Variants in LPCAT1 observed in about 807,000 individuals in gnomAD.
LPCAT1 encodes lysophosphatidylcholine acyltransferase 1.
LPCAT1 carries 23 observed loss-of-function variants against 60.9 expected under a neutral mutation model. That is an observed-to-expected ratio of 0.38 (90% CI 0.27 to 0.53). The LOEUF (loss-of-function observed/expected upper bound fraction) is 0.53, where lower values mean the gene tolerates loss of function less well. LPCAT1 is among the 20% of genes least tolerant of loss of function. The pLI is 0.82. For missense variants in LPCAT1, 622 were observed against 723.6 expected (o/e 0.86, Z 1.61); for synonymous variants, 340 against 301.1 (o/e 1.13, Z -1.34).
In LPCAT1 at chr5:1,470,857, C is replaced by G. The variant is rs369833504; in HGVS notation, c.1247G>C (p.Arg416Pro). The G allele has an allele frequency of 1.9e-6, 3 of 1,613,516 alleles. No individual in the cohort carries two copies. Among genetic ancestry groups the G allele is most frequent in the African/African-American group, 2.7e-5 (2 of 74,916 alleles). The change falls in exon 12 of 14, where the codon CGG becomes CCG. Residue 416 changes from arginine to proline, a missense_variant. Arg to Pro is a moderately radical substitution (Grantham distance 103). Coordinates refer to ENST00000283415, the MANE Select transcript of LPCAT1 (RefSeq NM_024830.5). ...VALSVVCRPARTLDTIQLAFK... is the reference protein window; with the variant it reads ...VALSVVCRPAPTLDTIQLAFK... ...AGCCAGCTGGATGGTGTCCAGGGTC[C>G]GGGCCGGCCGGCAGACGACAGACAG...
In LPCAT1 at chr5:1,522,116, G is replaced by A. The variant is rs894145286; in HGVS notation, c.135+1594C>T. Among the ~76,000 whole-genome samples the A allele has an allele frequency of 1.3e-5, 2 of 152,150 alleles. No individual in the cohort carries two copies. Among genetic ancestry groups the A allele is most frequent in the Admixed American group, 1.3e-4 (2 of 15,284 alleles). On this transcript the variant is annotated intron_variant, in intron 1 of 13. Transcript: ENST00000283415. This position sits in a 1 kb window ranked among gnomAD's most constrained non-coding sequence, Gnocchi z 6.8. ...GCAGCCATAGCTGGGGCAGGAGCAG[G>A]GCTGGGGAAGCCCTGGAAACCACAG... is the stretch of plus-strand genomic sequence containing the variant.
Position 1,523,444 on chromosome 5 carries a change from G to A in LPCAT1, c.135+266C>T, listed in dbSNP as rs1388478980. Among the ~76,000 whole-genome samples the A allele has an allele frequency of 6.6e-6, 1 of 151,758 alleles. No homozygotes were observed. Among genetic ancestry groups the A allele is most frequent in the African/African-American group, 2.4e-5 (1 of 41,394 alleles). On this transcript the variant is annotated intron_variant, in intron 1 of 13. Coordinates refer to ENST00000283415, the MANE Select transcript of LPCAT1 (RefSeq NM_024830.5). The surrounding 1 kb of genome is among the most constrained non-coding windows in gnomAD (Gnocchi z 7.1). ...GGGGAGGAGCAGAACGCGGGGCGGG[G>A]ATGGGAAGCGGGGACCCCGAGGAAG...
At chr5:1,497,876 G>C (rs916809550) in intron 2 of LPCAT1, among the ~76,000 whole-genome samples, 2 of 152,216 alleles carry the variant, frequency 1.3e-5, no homozygotes, top group Non-Finnish European at 2.9e-5. Flanking sequence ...GTCAGCCAAG[G>C]GGCAGCCCCT....
At chr5:1,509,815 G>C (rs2963284) in intron 1 of LPCAT1, among the ~76,000 whole-genome samples, 50,655 of 152,076 alleles carry the variant, frequency 0.33, 10,231 homozygotes, top group African/African-American at 0.57. Flanking sequence ...ATGTGAAAAA[G>C]TGGCACCGTG....
rs537918969 is a variant in LPCAT1, at chr5:1,495,339, G to T, written c.279-425C>A. On this transcript the variant is annotated intron_variant, in intron 2 of 13. Transcript: ENST00000283415. This position sits in a 1 kb window ranked among gnomAD's most constrained non-coding sequence, Gnocchi z 4.7. ...AACGCATATCGCAATATGGGGGGGG[G>T]GGCGCTCAGAGCTGAGGGCGGAAGC... 8.6e-5 allele frequency among the ~76,000 whole-genome samples: 13 copies of T among 151,956 alleles called. No homozygotes were observed. The highest frequency in any genetic ancestry group is 3.4e-3 in the Middle Eastern group (1 of 292).
At chr5:1,468,509 T>C (rs767625454) in intron 12 of LPCAT1, among the ~76,000 whole-genome samples, 5 of 152,174 alleles carry the variant, frequency 3.3e-5, no homozygotes, top group Non-Finnish European at 5.9e-5. Flanking sequence ...CATTTGGACA[T>C]GAGAACTGCA....
rs1423655309 is a variant in LPCAT1 at position 1,501,463 on chromosome 5, C to T, written c.276G>A (p.Arg92=). ...AGCACGGCACACGCGCAACTTACTTCCTCCACAGGGCCGGGGGCTGCTCGG... is the reference window on the plus strand; with the variant it reads ...AGCACGGCACACGCGCAACTTACTTTCTCCACAGGGCCGGGGGCTGCTCGG... ...KEPEQPPALW[R]KVVDFLLKAI... Residue 92 remains arginine, a splice_region_variant and synonymous_variant, in exon 2 of 14, where the codon AGG becomes AGA. Transcript: ENST00000283415. 9 of 1,610,676 alleles carry T rather than the reference C, an allele frequency of 5.6e-6. No homozygotes were observed. The highest frequency in any genetic ancestry group is 4.0e-5 in the African/African-American group (3 of 74,880).
intron 3 of LPCAT1, among the ~76,000 whole-genome samples, chr5:1,494,473 G>T (rs1735704322): frequency 6.6e-6 from 1 of 151,486 alleles, no homozygotes; most frequent in Non-Finnish European, 1.5e-5. Context: ...GCAAGTGGGG[G>T]TCCCTCATTC....
intron 1 of LPCAT1, among the ~76,000 whole-genome samples, chr5:1,516,482 C>T (rs1216483034): frequency 6.6e-6 from 1 of 152,212 alleles, no homozygotes. Flanking sequence ...CACGCCTGCC[C>T]AGCCCGGCGG....
At chr5:1,512,380 A>T (rs975138430) in intron 1 of LPCAT1, among the ~76,000 whole-genome samples, 6 of 152,216 alleles carry the variant, frequency 3.9e-5, no homozygotes, top group Non-Finnish European at 7.4e-5. Flanking sequence ...GCCCAAGAGC[A>T]GTCCCACACT....
chr5:1,503,081 C>A (rs1458972907), intron 1 of LPCAT1, among the ~76,000 whole-genome samples: 1 of 152,180 alleles, frequency 6.6e-6, no homozygotes, highest in African/African-American at 2.4e-5. Flanking sequence ...TGTCTCCACC[C>A]TGTCAGTGCC....
Position 1,474,558 on chromosome 5 carries a change from AC to A in LPCAT1, c.1025+1del. ...CTCAAGGAAGAAGAACCAGGTACTC[AC>A]CCGAGGCCCCGCACGAGCCTGGCAA... On this transcript the variant is annotated splice_donor_variant, in intron 10 of 13. Transcript: ENST00000283415. LOFTEE classifies it high-confidence loss of function. The A allele has an allele frequency of 1.2e-6, 2 of 1,613,690 alleles. No individual in the cohort carries two copies. The highest frequency in any genetic ancestry group is 1.7e-6 in the Non-Finnish European group (2 of 1,179,894).
chr5:1,511,200 G>C (rs892062921), intron 1 of LPCAT1, among the ~76,000 whole-genome samples: 2 of 152,202 alleles, frequency 1.3e-5, no homozygotes, highest in Non-Finnish European at 2.9e-5. Context: ...CTCCGACTGC[G>C]ACCGCACAGC....
intron 1 of LPCAT1, among the ~76,000 whole-genome samples, chr5:1,515,597 C>A (rs1447842341): frequency 6.6e-6 from 1 of 151,712 alleles, no homozygotes; most frequent in Non-Finnish European, 1.5e-5. Context: ...CTGCCCTGCA[C>A]TATCTACAGA....
rs376999822 is a variant in LPCAT1, at chr5:1,483,384, C to T, written c.726+44G>A. On this transcript the variant is annotated intron_variant, in intron 6 of 13. Coordinates refer to ENST00000283415, the MANE Select transcript of LPCAT1 (RefSeq NM_024830.5). This position sits in a 1 kb window ranked among gnomAD's most constrained non-coding sequence, Gnocchi z 9.2. ...GAGGCAGCTCGCAGTTCCCGTTTCC[C>T]GGAGAATTCCCCTGGAAGCTGACCC... is the stretch of plus-strand genomic sequence containing the variant. The T allele has an allele frequency of 8.2e-5, 131 of 1,600,576 alleles. No individual in the cohort carries two copies. In the African/African-American group the frequency reaches 8.7e-4, roughly 11 times the overall value.
At chr5:1,493,841 T>G (rs1298577781) in intron 3 of LPCAT1, among the ~76,000 whole-genome samples, 1 of 152,234 alleles carries the variant, frequency 6.6e-6, no homozygotes, top group Non-Finnish European at 1.5e-5. Flanking sequence ...TGGAAAAAGG[T>G]TTTTACAGAG....
At chr5:1,491,636 G>A (rs964439677) in intron 3 of LPCAT1, among the ~76,000 whole-genome samples, 2 of 152,152 alleles carry the variant, frequency 1.3e-5, no homozygotes, top group East Asian at 1.9e-4. Flanking sequence ...GCCCTGAGGA[G>A]GGAAGGGTGT....
chr5:1,517,578 G>A (rs1270485983), intron 1 of LPCAT1, among the ~76,000 whole-genome samples: 1 of 152,188 alleles, frequency 6.6e-6, no homozygotes, highest in Admixed American at 6.5e-5. Context: ...TGTGGTAGTC[G>A]AGTCCCGTGC....
chr5:1,468,074 T>G (rs1734508550), intron 12 of LPCAT1, among the ~76,000 whole-genome samples: 1 of 151,986 alleles, frequency 6.6e-6, no homozygotes, highest in Non-Finnish European at 1.5e-5. Flanking sequence ...CTCCTTGCGG[T>G]GCTCAGGGAA....
Sources: allele counts gnomAD v4.1 joint callset (sites outside exome capture counted in the v4.1 genomes callset), GRCh38; gene constraint gnomAD v4.1.1; non-coding constraint Gnocchi (gnomAD v3.1); transcripts MANE v1.5; gene names NCBI Gene and HGNC (gene_info 2026-07-23, HGNC 2026-07-21).